KCNH8: variants seen among roughly 807,000 people sequenced by gnomAD.
KCNH8 encodes potassium voltage-gated channel subfamily H member 8, also known as voltage-gated delayed rectifier potassium channel KCNH8.
A neutral mutation model predicts 103.6 loss-of-function variants in KCNH8; 70 were observed. The observed-to-expected ratio is 0.68, with a 90% CI of 0.56 to 0.82. The LOEUF is 0.82. KCNH8 is among the 40% of genes least tolerant of loss of function. The pLI is 0.00. For synonymous variants in KCNH8, 498 were observed against 489.4 expected (o/e 1.02, Z -0.23); for missense variants, 1,217 against 1,329.9 (o/e 0.92, Z 1.32).
intron 2 of KCNH8, among the ~76,000 whole-genome samples, chr3:19,259,274 A>C (rs2064396276): frequency 6.6e-6 from 1 of 151,682 alleles, no homozygotes; most frequent in Non-Finnish European, 1.5e-5. Flanking sequence ...ACTACCATGA[A>C]TACAAAACCA....
At chr3:19,196,287 T>C (rs1432994589) in intron 1 of KCNH8, among the ~76,000 whole-genome samples, 4 of 151,972 alleles carry the variant, frequency 2.6e-5, no homozygotes, top group Non-Finnish European at 5.9e-5. Flanking sequence ...CACATATATA[T>C]TGATAAAAGG....
At chr3:19,298,364 A>G (rs529252207) in intron 3 of KCNH8, among the ~76,000 whole-genome samples, 1 of 152,342 alleles carries the variant, frequency 6.6e-6, no homozygotes, top group East Asian at 1.9e-4. Context: ...TATAACAAGT[A>G]GAATGCTGGA....
chr3:19,287,572 TTTG>T (rs113159230), intron 3 of KCNH8, among the ~76,000 whole-genome samples: 2,392 of 150,748 alleles, frequency 0.016, 37 homozygotes, highest in African/African-American at 0.044. Context: ...CAGTCCACTT[TTTG>T]TTGTTGTTGT....
intron 1 of KCNH8, among the ~76,000 whole-genome samples, chr3:19,160,764 ACTAT>A (rs2063226112): frequency 6.6e-6 from 1 of 152,152 alleles, no homozygotes; most frequent in South Asian, 2.1e-4. Flanking sequence ...CAGGATGTGA[ACTAT>A]CTCTTTATTC....
At chr3:19,323,313 G>C (rs1157833362) in intron 3 of KCNH8, among the ~76,000 whole-genome samples, 1 of 152,010 alleles carries the variant, frequency 6.6e-6, no homozygotes, top group African/African-American at 2.4e-5. Flanking sequence ...GCTGGGCGTG[G>C]TGGTGGGCAC....
intron 11 of KCNH8, among the ~76,000 whole-genome samples, chr3:19,491,082 T>C (rs2068309699): frequency 6.6e-6 from 1 of 152,236 alleles, no homozygotes; most frequent in Admixed American, 6.5e-5. Flanking sequence ...AAGTGATTAA[T>C]ACTACATGTA....
At chr3:19,242,844 T>G (rs1357790788) in intron 1 of KCNH8, among the ~76,000 whole-genome samples, 1 of 152,088 alleles carries the variant, frequency 6.6e-6, no homozygotes, top group African/African-American at 2.4e-5. Flanking sequence ...GTGGATGAAG[T>G]GAACAAGGAC....
intron 1 of KCNH8, among the ~76,000 whole-genome samples, chr3:19,238,616 CA>C (rs1290440667): frequency 1.4e-4 from 21 of 152,128 alleles, no homozygotes; most frequent in African/African-American, 4.8e-4. Flanking sequence ...AGACCTTTTA[CA>C]AAGGCAAAAG....
intron 5 of KCNH8, among the ~76,000 whole-genome samples, chr3:19,376,892 A>G (rs2066216050): frequency 6.6e-6 from 1 of 152,226 alleles, no homozygotes; most frequent in Non-Finnish European, 1.5e-5. Flanking sequence ...GTCCAAAATT[A>G]CTGACTTAAA....
At chr3:19,475,307 A>C (rs1018744414) in intron 11 of KCNH8, among the ~76,000 whole-genome samples, 4 of 152,136 alleles carry the variant, frequency 2.6e-5, no homozygotes, top group Non-Finnish European at 5.9e-5. Context: ...TAAATTAAGT[A>C]GTTCTGTCTA....
intron 8 of KCNH8, among the ~76,000 whole-genome samples, chr3:19,443,692 G>A (rs1325075235): frequency 4.0e-5 from 6 of 151,726 alleles, no homozygotes; most frequent in Admixed American, 3.9e-4. Flanking sequence ...ATGAATATCA[G>A]AATTAATGAG....
intron 15 of KCNH8, among the ~76,000 whole-genome samples, chr3:19,531,687 G>A (rs1273802467): frequency 6.6e-6 from 1 of 152,152 alleles, no homozygotes; most frequent in African/African-American, 2.4e-5. Context: ...GACCTGCCAG[G>A]GAGAATTAGT....
At chr3:19,288,947 T>C (rs1407621897) in intron 3 of KCNH8, among the ~76,000 whole-genome samples, 1 of 152,166 alleles carries the variant, frequency 6.6e-6, no homozygotes, top group Admixed American at 6.5e-5. Context: ...TGGTATCTCA[T>C]TGTGGTTTTG....
intron 1 of KCNH8, among the ~76,000 whole-genome samples, chr3:19,194,141 G>A (rs1048972814): frequency 6.6e-6 from 1 of 151,432 alleles, no homozygotes; most frequent in Non-Finnish European, 1.5e-5. Context: ...TTAAAATTCT[G>A]CTGGAGAAAT....
At chr3:19,222,941 T>C (rs1247763888) in intron 1 of KCNH8, among the ~76,000 whole-genome samples, 1 of 152,198 alleles carries the variant, frequency 6.6e-6, no homozygotes, top group Non-Finnish European at 1.5e-5. Context: ...CTTTACCAAA[T>C]CCTTTAAGTC....
At chr3:19,190,497 T>G (rs2063541111) in intron 1 of KCNH8, among the ~76,000 whole-genome samples, 2 of 152,030 alleles carry the variant, frequency 1.3e-5, no homozygotes, top group Admixed American at 1.3e-4. Flanking sequence ...GTGAAATTAA[T>G]TCGACTGTTG....
chr3:19,249,136 C>T (rs1393160108), intron 1 of KCNH8, among the ~76,000 whole-genome samples: 2 of 152,096 alleles, frequency 1.3e-5, no homozygotes, highest in Non-Finnish European at 2.9e-5. Context: ...GGTTAAATAC[C>T]CTTAGCATAT....
intron 5 of KCNH8, among the ~76,000 whole-genome samples, chr3:19,365,218 T>C (rs1238459561): frequency 6.6e-6 from 1 of 152,094 alleles, no homozygotes; most frequent in Non-Finnish European, 1.5e-5. Flanking sequence ...GCATATACTG[T>C]GCTAATTATC....
chr3:19,321,406 T>A (rs1575525494), intron 3 of KCNH8, among the ~76,000 whole-genome samples: 1 of 151,996 alleles, frequency 6.6e-6, no homozygotes, highest in African/African-American at 2.4e-5. Flanking sequence ...TTCAAAGAAT[T>A]TTTGAATTTA....
Sources: allele counts gnomAD v4.1 joint callset (sites outside exome capture counted in the v4.1 genomes callset), GRCh38; gene constraint gnomAD v4.1.1; transcripts MANE v1.5; gene names NCBI Gene and HGNC (gene_info 2026-07-23, HGNC 2026-07-21).